The following NAT10 variants were observed in gnomAD, a reference collection of about 807,000 sequenced individuals.
NAT10 encodes the protein RNA cytidine acetyltransferase.
Under a neutral mutation model 132.2 loss-of-function variants are expected in NAT10, and 109 were observed. The observed-to-expected ratio is 0.82, with a 90% CI of 0.71 to 0.97. The LOEUF (loss-of-function observed/expected upper bound fraction) is 0.97, where lower values mean the gene tolerates loss of function less well. Among genes scored for constraint, NAT10 ranks in the 50% least tolerant of loss-of-function variants. NAT10 has a pLI of 0.00. For synonymous variants in NAT10, 479 were observed against 478.0 expected, an observed-to-expected ratio of 1.00 and a Z score of -0.03; for missense variants, 1,184 against 1,263.4, an observed-to-expected ratio of 0.94 and a Z score of 0.95.
intron 5 of NAT10, 70 bp from the exon 6 acceptor site, chr11:34,115,753 T>C: frequency 6.6e-7 from 1 of 1,505,686 alleles, no homozygotes; most frequent in Non-Finnish European, 9.2e-7. Flanking sequence ...GGATAGAGCT[T>C]TGTATTTGGA....
At position 34,141,941 on chromosome 11, in the gene NAT10, A is replaced by G. The variant is rs562450683; in HGVS notation, c.2811+124A>G. On this transcript the variant is annotated intron_variant, in intron 26 of 28. Coordinates refer to ENST00000257829, the MANE Select transcript of NAT10 (RefSeq NM_024662.3). ...CTCTGCACTAATTGAGCTAAGTGCT[A>G]TTCTGTAGGTTTAATTGGACAAACG... 307 of 803,752 alleles carry G rather than the reference A, an allele frequency of 3.8e-4. 4 individuals carry two copies. Among genetic ancestry groups the G allele is most frequent in the South Asian group, 3.7e-3 (210 of 56,650 alleles). The allele number at this position is 803,752 out of a possible 1,614,324, so 49.8% of individuals were successfully genotyped here.
chr11:34,120,456 G>C (rs935113584), intron 8 of NAT10, among the ~76,000 whole-genome samples: 1 of 152,194 alleles, frequency 6.6e-6, no homozygotes, highest in Non-Finnish European at 1.5e-5. Flanking sequence ...TGTCTCTTCA[G>C]TGTCTTCTTA....
chr11:34,129,334 G>C (rs968889605), intron 12 of NAT10, among the ~76,000 whole-genome samples: 1 of 152,180 alleles, frequency 6.6e-6, no homozygotes, highest in Non-Finnish European at 1.5e-5. Flanking sequence ...TAATAGGTGT[G>C]AAGTGACCTC....
chr11:34,106,824 T>C (rs1291028111), intron 1 of NAT10, among the ~76,000 whole-genome samples: 2 of 152,162 alleles, frequency 1.3e-5, no homozygotes, highest in Non-Finnish European at 2.9e-5. Flanking sequence ...AAAATCTGTT[T>C]GGATTGGAAG....
intron 27 of NAT10, 80 bp downstream of exon 27, chr11:34,142,428 TC>T: frequency 8.1e-7 from 1 of 1,237,054 alleles, no homozygotes; most frequent in Non-Finnish European, 1.2e-6. Flanking sequence ...TCTAATCATA[TC>T]CCACGTGCCC....
chr11:34,130,760 C>A, intron 12 of NAT10, 53 bp from the exon 13 acceptor site: 1 of 1,608,460 alleles, frequency 6.2e-7, no homozygotes, highest in Non-Finnish European at 8.5e-7. Flanking sequence ...CTGTCCCCTC[C>A]TAGACAGTGG....
At chr11:34,109,819 G>C (rs1177912794) in intron 3 of NAT10, among the ~76,000 whole-genome samples, 2 of 152,182 alleles carry the variant, frequency 1.3e-5, no homozygotes, top group Non-Finnish European at 2.9e-5. Context: ...GCTCTATGCA[G>C]ACCAACTTTC....
At chr11:34,120,134 T>C (rs868459081) in intron 8 of NAT10, among the ~76,000 whole-genome samples, 1 of 139,070 alleles carries the variant, frequency 7.2e-6, no homozygotes, top group Admixed American at 7.9e-5. Context: ...GTTGTTGTTG[T>C]TGCTGTTGGT....
At chr11:34,120,313 A>G (rs1242261993) in intron 8 of NAT10, among the ~76,000 whole-genome samples, 2 of 152,070 alleles carry the variant, frequency 1.3e-5, no homozygotes, top group Non-Finnish European at 2.9e-5. Context: ...AACTTCTATA[A>G]TATAAAACAA....
In NAT10 at chr11:34,113,771, G is replaced by C. The variant is rs1851739306; in HGVS notation, c.428G>C (p.Gly143Ala). ...GCCAGGACTGTAGAAACAGTGGAAG[G>C]TGGTGGGCTAGTGGTCATCCTCCTA... is the stretch of plus-strand genomic sequence containing the variant. The part of the protein sequence containing the change: ...LLARTVETVE[G>A]GGLVVILLRT... The change falls in exon 5 of 29, where the codon GGT (glycine) becomes GCT (alanine). Residue 143 changes from glycine (G) to alanine (A), a missense_variant. By Grantham distance (60) the Gly-to-Ala change is moderately conservative. Coordinates refer to ENST00000257829, the MANE Select transcript of NAT10 (RefSeq NM_024662.3). 11 of 1,614,158 alleles carry C rather than the reference G, an allele frequency of 6.8e-6. No individual in the cohort carries two copies. Among genetic ancestry groups the C allele is most frequent in the Non-Finnish European group, 9.3e-6 (11 of 1,180,010 alleles).
chr11:34,111,226 T>C (rs372736324), intron 3 of NAT10, among the ~76,000 whole-genome samples: 1 of 152,320 alleles, frequency 6.6e-6, no homozygotes, highest in Non-Finnish European at 1.5e-5. Flanking sequence ...TGGCAGAGCA[T>C]TGTGTTCAAG....
chr11:34,107,031 CTT>C (rs71037398), intron 1 of NAT10: 6 of 127,490 alleles, frequency 4.7e-5, no homozygotes, highest in Admixed American at 1.7e-4. Flanking sequence ...AATCACAGAA[CTT>C]TTTTTTTTTT....
chr11:34,131,754 C>T (rs1852110326), intron 14 of NAT10, among the ~76,000 whole-genome samples: 1 of 147,860 alleles, frequency 6.8e-6, no homozygotes, highest in Non-Finnish European at 1.5e-5. Flanking sequence ...GGCACAATCT[C>T]AGCTCACTGC....
intron 1 of NAT10, chr11:34,106,234 A>G (rs1044792429): frequency 3.3e-5 from 5 of 152,160 alleles, no homozygotes; most frequent in African/African-American, 1.2e-4. Context: ...CACATTCAGG[A>G]CTTGGTTTTG....
At position 34,139,418 on chromosome 11, in the gene NAT10, A is replaced by G; in HGVS notation, c.2342A>G (p.Tyr781Cys). ...FRRRFLALLS[Y>C]QFSTFSPSLA... ...CGGCGGTTCCTAGCCTTGCTCTCCT[A>G]CCAGTTCAGTACCTTCTCTCCTTCC... Residue 781 changes from tyrosine (Y) to cysteine (C), a missense_variant, in exon 23 of 29, where the codon TAC becomes TGC. Coordinates refer to ENST00000257829, the MANE Select transcript of NAT10 (RefSeq NM_024662.3). 3 of 1,614,042 alleles carry G rather than the reference A, an allele frequency of 1.9e-6. No individual in the cohort carries two copies. The highest frequency in any genetic ancestry group is 2.5e-6 in the Non-Finnish European group (3 of 1,179,998).
chr11:34,134,354 C>T lies in NAT10; in HGVS notation c.1770C>T (p.Ile590=). The part of the protein sequence containing the change: ...CLEGEISRQS[I]LNSLSRGKKA... Reference sequence around the variant, plus strand: ...AAGGGGAGATTTCTCGCCAGTCCATCTTGAACAGTCTGTCTCGAGGCAAGA... The same window carrying T: ...AAGGGGAGATTTCTCGCCAGTCCATTTTGAACAGTCTGTCTCGAGGCAAGA... Residue 590 remains isoleucine (I), a synonymous_variant, in exon 17 of 29, where the codon ATC becomes ATT. Transcript: ENST00000257829. The T allele has an allele frequency of 1.2e-6, 2 of 1,614,246 alleles. No homozygotes were observed. The highest frequency in any genetic ancestry group is 1.7e-6 in the Non-Finnish European group (2 of 1,180,054).
intron 8 of NAT10, among the ~76,000 whole-genome samples, chr11:34,120,420 T>G (rs1209592181): frequency 6.6e-6 from 1 of 152,228 alleles, no homozygotes; most frequent in Non-Finnish European, 1.5e-5. Context: ...TCCTGAAGCC[T>G]CTCCCCTTCC....
At chr11:34,138,108 T>C (rs1852251208) in intron 21 of NAT10, among the ~76,000 whole-genome samples, 1 of 152,198 alleles carries the variant, frequency 6.6e-6, no homozygotes, top group South Asian at 2.1e-4. Flanking sequence ...AGAATGTTTT[T>C]TGCTGCTGGG....
intron 11 of NAT10, 54 bp downstream of exon 11, chr11:34,124,454 A>G (rs1357889918): frequency 7.6e-7 from 1 of 1,317,760 alleles, no homozygotes; most frequent in African/African-American, 1.5e-5. Context: ...GCTGTATTTA[A>G]CTGGCTCTAA....
Sources: gnomAD v4.1 joint callset for allele counts (sites outside exome capture counted in the v4.1 genomes callset) on GRCh38, gnomAD v4.1.1 for gene constraint, MANE v1.5 for transcripts, NCBI Gene and HGNC (gene_info 2026-07-23, HGNC 2026-07-21) for gene names.